Variants in PCNT observed in about 807,000 individuals in gnomAD.
PCNT encodes pericentrin, also known as kendrin.
Under a neutral mutation model 380.4 loss-of-function variants are expected in PCNT, and 319 were observed. That is an observed-to-expected ratio of 0.84 (90% CI 0.77 to 0.92). PCNT has a LOEUF of 0.92. PCNT is among the 40% of genes least tolerant of loss of function. PCNT has a pLI of 0.00. For synonymous variants in PCNT, 1,845 were observed against 1,735.2 expected (o/e 1.06, Z -1.57); for missense variants, 4,400 against 4,255.3 (o/e 1.03, Z -0.95).
chr21:46,441,008 A>G lies in PCNT; in HGVS notation c.9547A>G (p.Lys3183Glu). 3 of 1,614,184 alleles carry G rather than the reference A, an allele frequency of 1.9e-6. No homozygotes were observed. Among genetic ancestry groups the G allele is most frequent in the Middle Eastern group, 1.6e-4 (1 of 6,062 alleles). ...MIAHLGVFPS[K>E]AERKITSRPF... ...TGCCCATTTGGGGGTATTTCCTTCC[A>G]AAGCAGAACGGAAAATCACATCTCG... Residue 3183 changes from lysine to glutamate, a missense_variant, in exon 43 of 47, where the codon AAA becomes GAA. Lys to Glu is a moderately conservative substitution (Grantham distance 56). Transcript: ENST00000359568.
intron 38 of PCNT, among the ~76,000 whole-genome samples, chr21:46,434,959 G>A (rs1156838330): frequency 6.6e-6 from 1 of 151,380 alleles, no homozygotes; most frequent in African/African-American, 2.5e-5. Context: ...GCTTGCCCTG[G>A]GCCTGATGAA....
chr21:46,442,056 G>A (rs1007055138), intron 43 of PCNT, among the ~76,000 whole-genome samples: 1 of 152,206 alleles, frequency 6.6e-6, no homozygotes, highest in Admixed American at 6.5e-5. Context: ...ACGGACTCCT[G>A]CGAGGGCTGG....
intron 1 of PCNT, among the ~76,000 whole-genome samples, chr21:46,325,621 G>T (rs1823000710): frequency 6.6e-6 from 1 of 152,224 alleles, no homozygotes; most frequent in Non-Finnish European, 1.5e-5. Flanking sequence ...TTACACAAAT[G>T]TGTGTTCCAT....
chr21:46,388,234 C>T lies in PCNT; in HGVS notation c.3465-508C>T, dbSNP rs2085908538. ...CAAAAAAAAAAAAAGACAGAAGCAT[C>T]CCAGACCGCACGTCCACGAGGCCTA... On this transcript the variant is annotated intron_variant, in intron 17 of 46. Coordinates refer to ENST00000359568, the MANE Select transcript of PCNT (RefSeq NM_006031.6). The surrounding 1 kb of genome is among the most constrained non-coding windows in gnomAD (Gnocchi z 4.2). Among the ~76,000 whole-genome samples, 1 of 151,962 alleles carries T rather than the reference C, an allele frequency of 6.6e-6. No homozygotes were observed. Among genetic ancestry groups the T allele is most frequent in the Non-Finnish European group, 1.5e-5 (1 of 67,954 alleles).
intron 13 of PCNT, among the ~76,000 whole-genome samples, chr21:46,359,500 T>TTTTTTTTTTTTTTTTTTTTTTTTTTCC (rs2084623803): frequency 8.4e-6 from 1 of 118,880 alleles, no homozygotes; most frequent in Non-Finnish European, 1.9e-5. Context: ...TGTTTTTTTT[T>TTTTTTTTTTTTTTTTTTTTTTTTTTCC]TTTTTTTGAG....
At chr21:46,332,590 G>A (rs752968069) in intron 2 of PCNT, among the ~76,000 whole-genome samples, 3 of 152,076 alleles carry the variant, frequency 2.0e-5, no homozygotes, top group Admixed American at 6.6e-5. Flanking sequence ...TCCCCTTTTC[G>A]TCCCTCACTT....
At chr21:46,389,090 C>A in intron 18 of PCNT, 109 bp from the exon 19 acceptor site, 1 of 1,314,868 alleles carries the variant, frequency 7.6e-7, no homozygotes, top group South Asian at 1.2e-5. Flanking sequence ...TGACTCATCT[C>A]GGCTGGGGCG....
chr21:46,369,813 G>A (rs890927355), intron 15 of PCNT, among the ~76,000 whole-genome samples: 1 of 152,226 alleles, frequency 6.6e-6, no homozygotes, highest in African/African-American at 2.4e-5. Flanking sequence ...GCTGGAGGCA[G>A]AGAGGACCAA....
At chr21:46,360,576 T>C (rs2084675378) in intron 13 of PCNT, among the ~76,000 whole-genome samples, 1 of 138,842 alleles carries the variant, frequency 7.2e-6, no homozygotes, top group South Asian at 2.3e-4. Flanking sequence ...TGGAGTGCAG[T>C]GGTGCGATAT....
chr21:46,430,152 C>A lies in PCNT; in HGVS notation c.7833C>A (p.Ser2611=), dbSNP rs139227909. 2.2e-5 allele frequency: 36 copies of A among 1,614,070 alleles called. 2 individuals are homozygous for A. The South Asian group carries it at 4.0e-4, about 18-fold the overall frequency. The change falls in exon 36 of 47, where the codon TCC becomes TCA. Residue 2611 remains serine (S), a synonymous_variant. Coordinates refer to ENST00000359568, the MANE Select transcript of PCNT (RefSeq NM_006031.6). Reference sequence around the variant, plus strand: ...AGACTGTAGTGCGAGATTTGAAGTCCGACCTCTGTGAGAGCAGGCAGAAGA... The same window carrying A: ...AGACTGTAGTGCGAGATTTGAAGTCAGACCTCTGTGAGAGCAGGCAGAAGA... ...AEQTVVRDLK[S]DLCESRQKSE...
chr21:46,393,497 A>G (rs1014664821), intron 21 of PCNT, among the ~76,000 whole-genome samples: 8 of 151,682 alleles, frequency 5.3e-5, no homozygotes, highest in African/African-American at 1.9e-4. Flanking sequence ...CTGCTGCCCC[A>G]TTTCCAGTGT....
chr21:46,333,578 G>C (rs1412205566), intron 2 of PCNT, among the ~76,000 whole-genome samples: 1 of 151,172 alleles, frequency 6.6e-6, no homozygotes, highest in Non-Finnish European at 1.5e-5. Flanking sequence ...CAGCCTGGGC[G>C]ACGGAGTGAA....
chr21:46,379,992 G>A (rs1275120431), intron 15 of PCNT, among the ~76,000 whole-genome samples: 1 of 152,116 alleles, frequency 6.6e-6, no homozygotes, highest in Non-Finnish European at 1.5e-5. Context: ...AGATGTCAGA[G>A]CTTTCCAGAG....
At chr21:46,370,224 C>G (rs180787529) in intron 15 of PCNT, among the ~76,000 whole-genome samples, 49 of 117,766 alleles carry the variant, frequency 4.2e-4, no homozygotes, top group African/African-American at 9.9e-4. Flanking sequence ...GGTGGGCATC[C>G]GGGGGGGGGT....
chr21:46,398,289 C>A (rs771822157), intron 24 of PCNT, 34 bp downstream of exon 24: 1 of 1,583,658 alleles, frequency 6.3e-7, no homozygotes, highest in Non-Finnish European at 8.6e-7. Context: ...GCACTCCCTG[C>A]GCTGGCGCCC....
At chr21:46,344,411 A>G (rs1217253746) in intron 3 of PCNT, among the ~76,000 whole-genome samples, 1 of 152,116 alleles carries the variant, frequency 6.6e-6, no homozygotes, top group Non-Finnish European at 1.5e-5. Context: ...TGCTGCACTC[A>G]TGTGGCCGCC....
At chr21:46,434,992 C>T (rs1002555684) in intron 38 of PCNT, among the ~76,000 whole-genome samples, 8 of 152,004 alleles carry the variant, frequency 5.3e-5, no homozygotes, top group Non-Finnish European at 8.8e-5. Flanking sequence ...TTAAAAACTA[C>T]GATGGAAACG....
chr21:46,437,726 T>C (rs1328863506), intron 40 of PCNT, among the ~76,000 whole-genome samples: 1 of 152,186 alleles, frequency 6.6e-6, no homozygotes, highest in African/African-American at 2.4e-5. Flanking sequence ...GCTTACCCTC[T>C]GGCCCCGCCA....
chr21:46,397,976 C>T, intron 22 of PCNT, 38 bp from the exon 23 acceptor site: 1 of 1,503,514 alleles, frequency 6.7e-7, no homozygotes. Context: ...CACGCCAGCC[C>T]CGTTGGGGTG....
Sources: allele counts gnomAD v4.1 joint callset (sites outside exome capture counted in the v4.1 genomes callset), GRCh38; gene constraint gnomAD v4.1.1; non-coding constraint Gnocchi (gnomAD v3.1); transcripts MANE v1.5; gene names NCBI Gene and HGNC (gene_info 2026-07-23, HGNC 2026-07-21).